Variants in BAIAP2 observed in about 807,000 individuals in gnomAD.
The protein encoded by BAIAP2 is BAR/IMD domain-containing adapter protein 2.
BAIAP2 carries 18 observed loss-of-function variants against 63.0 expected under a neutral mutation model. The ratio of observed to expected loss-of-function variants is 0.29; its 90% CI spans 0.20 to 0.42. The LOEUF is 0.42. Among genes scored for constraint, BAIAP2 ranks in the 10% least tolerant of loss-of-function variants. The pLI, the probability that BAIAP2 is intolerant of heterozygous loss-of-function variation, is 1.00. For synonymous variants in BAIAP2, 386 were observed against 307.6 expected, an observed-to-expected ratio of 1.25 and a Z score of -2.67; for missense variants, 610 against 734.3, an observed-to-expected ratio of 0.83 and a Z score of 1.96.
intron 12 of BAIAP2, chr17:81,107,242 T>G (rs1044645192): frequency 3.2e-5 from 9 of 282,360 alleles, no homozygotes; most frequent in African/African-American, 2.0e-4. Context: ...GAGGTGGGCC[T>G]GGACGCCGCC....
At chr17:81,106,966 G>A (rs1207422394) in intron 12 of BAIAP2, 59 bp downstream of exon 12, 2 of 1,455,494 alleles carry the variant, frequency 1.4e-6, no homozygotes, top group Admixed American at 2.7e-5. Flanking sequence ...GGCTCAGCCT[G>A]CAGTCCCCCG....
At chr17:81,106,429 CCCAGGTCCT>C (rs1261602434) in intron 11 of BAIAP2, among the ~76,000 whole-genome samples, 1 of 152,146 alleles carries the variant, frequency 6.6e-6, no homozygotes, top group African/African-American at 2.4e-5. Context: ...ACCTGGCTGT[CCCAGGTCCT>C]CCAGGTTCTC....
intron 1 of BAIAP2, chr17:81,035,882 A>G (rs1436779393): frequency 1.3e-5 from 2 of 152,118 alleles, no homozygotes; most frequent in Non-Finnish European, 2.9e-5. Context: ...CCCGGCGCCC[A>G]TGCTGGGGCC....
chr17:81,084,939 C>T (rs760386011), intron 4 of BAIAP2, 46 bp downstream of exon 4: 64 of 1,589,986 alleles, frequency 4.0e-5, no homozygotes, highest in Middle Eastern at 1.7e-4. Context: ...GCAGGTGCGA[C>T]GGGAGAGCTG....
intron 3 of BAIAP2, among the ~76,000 whole-genome samples, chr17:81,072,427 A>T (rs2052854942): frequency 6.6e-6 from 1 of 151,170 alleles, no homozygotes; most frequent in African/African-American, 2.4e-5. Flanking sequence ...CCAGTGGAAA[A>T]CTCTCCTGCC....
Position 81,074,432 on chromosome 17 carries a change from G to A in BAIAP2, c.218-10400G>A, listed in dbSNP as rs58741574. On this transcript the variant is annotated intron_variant, in intron 3 of 13. Transcript: ENST00000428708. ...CATGGATGCGTGTGAGTACGTGTGT[G>A]TATGCACAAATACATGTGAGTGCCA... Among the ~76,000 whole-genome samples the A allele has an allele frequency of 7.0e-3, 1,039 of 148,910 alleles. 10 individuals are homozygous for A. Among genetic ancestry groups the A allele is most frequent in the African/African-American group, 0.024 (974 of 41,000 alleles).
intron 3 of BAIAP2, among the ~76,000 whole-genome samples, chr17:81,066,020 C>T (rs1030623271): frequency 7.9e-5 from 12 of 152,252 alleles, no homozygotes; most frequent in African/African-American, 2.9e-4. Flanking sequence ...CCCGCATGTC[C>T]AGCCTGTCTA....
At position 81,106,802 on chromosome 17, in the gene BAIAP2, C is replaced by A; in HGVS notation, c.1395C>A (p.Ala465=). The A allele has an allele frequency of 1.2e-6, 2 of 1,612,512 alleles. No individual in the cohort carries two copies. Among genetic ancestry groups the A allele is most frequent in the Non-Finnish European group, 1.7e-6 (2 of 1,179,742 alleles). Residue 465 remains alanine, a synonymous_variant, in exon 12 of 14, where the codon GCC becomes GCA. Transcript: ENST00000428708. ...TGNLLDKDDL[A]IPPPDYGAAS... is the part of the protein sequence containing the mutation. Reference sequence around the variant, plus strand: ...ACCTCCTGGACAAGGACGACCTGGCCATCCCACCCCCCGATTACGGCGCCG... The same window carrying A: ...ACCTCCTGGACAAGGACGACCTGGCAATCCCACCCCCCGATTACGGCGCCG...
chr17:81,110,121 C>T, intron 13 of BAIAP2: 1 of 985,462 alleles, frequency 1.0e-6, no homozygotes, highest in Non-Finnish European at 1.2e-6. Flanking sequence ...AGCCTGCCCG[C>T]TGGTGGGAGC....
chr17:81,050,786 C>G (rs1434971567), intron 1 of BAIAP2, among the ~76,000 whole-genome samples: 2 of 146,862 alleles, frequency 1.4e-5, no homozygotes, highest in Non-Finnish European at 3.0e-5. Flanking sequence ...CACACATGGG[C>G]ACAGATGTGC....
chr17:81,081,130 G>A (rs1414176493), intron 3 of BAIAP2, among the ~76,000 whole-genome samples: 2 of 152,218 alleles, frequency 1.3e-5, no homozygotes, highest in African/African-American at 2.4e-5. Flanking sequence ...CAAGGGGCCC[G>A]AGAGCTGGGA....
chr17:81,101,485 C>T (rs140611081), intron 7 of BAIAP2, among the ~76,000 whole-genome samples: 38 of 152,298 alleles, frequency 2.5e-4, no homozygotes, highest in African/African-American at 7.9e-4. Context: ...TGGAACATTT[C>T]AAGAGTTTCG....
intron 6 of BAIAP2, 21 bp from the exon 7 acceptor site, chr17:81,099,907 T>C: frequency 6.2e-7 from 1 of 1,608,184 alleles, no homozygotes; most frequent in Non-Finnish European, 8.5e-7. Context: ...TGGCTGAGCC[T>C]TTCTCCCTTT....
rs4969240 is a variant in BAIAP2, at chr17:81,037,838, C to T, written c.54+2530C>T. Among the ~76,000 whole-genome samples the T allele has an allele frequency of 7.8e-3, 1,188 of 152,366 alleles. 14 individuals are homozygous for T. Among genetic ancestry groups the T allele is most frequent in the African/African-American group, 0.027 (1,135 of 41,590 alleles). ...GCCTTGGCAAAGGAGGACGCTTGTC[C>T]TTGGCCTTGGTGATTAAAAATGCGA... is the stretch of plus-strand genomic sequence containing the variant. On this transcript the variant is annotated intron_variant, in intron 1 of 13. Coordinates refer to ENST00000428708, the MANE Select transcript of BAIAP2 (RefSeq NM_001144888.2).
At chr17:81,049,143 G>A (rs750073739) in intron 1 of BAIAP2, among the ~76,000 whole-genome samples, 21 of 152,266 alleles carry the variant, frequency 1.4e-4, no homozygotes, top group Admixed American at 3.3e-4. Flanking sequence ...AGCTCTGCAC[G>A]CGCCGGGCTG....
chr17:81,091,657 C>A (rs1198249106), intron 6 of BAIAP2, among the ~76,000 whole-genome samples: 3 of 152,234 alleles, frequency 2.0e-5, no homozygotes, highest in Non-Finnish European at 4.4e-5. Context: ...CCCATTCGGG[C>A]TCCTGGGGCT....
Position 81,103,525 on chromosome 17 carries a change from G to A in BAIAP2, c.666G>A (p.Lys222=), listed in dbSNP as rs751155844. Residue 222 remains lysine, a synonymous_variant, in exon 8 of 14, where the codon AAG becomes AAA. Coordinates refer to ENST00000428708, the MANE Select transcript of BAIAP2 (RefSeq NM_001144888.2). The stretch of plus-strand genomic sequence containing the variant: ...AGGGCAAGGAGCTGCTGGCGCAGAA[G>A]CTGCCGCTGTGGCAACAGGCCTGTG... The part of the protein sequence containing the change: ...HSKGKELLAQ[K]LPLWQQACAD... 1.1e-5 allele frequency: 18 copies of A among 1,586,052 alleles called. No homozygotes were observed. Among genetic ancestry groups the A allele is most frequent in the Non-Finnish European group, 1.4e-5 (16 of 1,172,978 alleles).
At chr17:81,101,680 C>T (rs1029926715) in intron 7 of BAIAP2, among the ~76,000 whole-genome samples, 1 of 152,236 alleles carries the variant, frequency 6.6e-6, no homozygotes, top group Non-Finnish European at 1.5e-5. Context: ...TGCTCCAGTC[C>T]CCACAGCCTG....
intron 3 of BAIAP2, among the ~76,000 whole-genome samples, chr17:81,080,274 G>C (rs911409124): frequency 6.6e-6 from 1 of 152,256 alleles, no homozygotes; most frequent in Admixed American, 6.5e-5. Flanking sequence ...GCTGGTGGCC[G>C]GACACATTCA....
Sources: allele counts gnomAD v4.1 joint callset (sites outside exome capture counted in the v4.1 genomes callset), GRCh38; gene constraint gnomAD v4.1.1; transcripts MANE v1.5; gene names NCBI Gene and HGNC (gene_info 2026-07-23, HGNC 2026-07-21).